The following GRK5 variants were observed in gnomAD, a reference collection of about 807,000 sequenced individuals.
GRK5 encodes the protein g protein-coupled receptor kinase GRK5.
GRK5 carries 40 observed loss-of-function variants against 78.4 expected under a neutral mutation model. The observed-to-expected ratio is 0.51, with a 90% CI of 0.40 to 0.66. The LOEUF (loss-of-function observed/expected upper bound fraction) is 0.66. GRK5 is among the 30% of genes least tolerant of loss of function. The pLI is 0.00. For synonymous variants in GRK5, 289 were observed against 296.8 expected (o/e 0.97, Z 0.27); for missense variants, 598 against 759.9 (o/e 0.79, Z 2.50).
At chr10:119,433,524 T>C (rs1852862656) in intron 8 of GRK5, among the ~76,000 whole-genome samples, 1 of 152,096 alleles carries the variant, frequency 6.6e-6, no homozygotes, top group African/African-American at 2.4e-5. Context: ...TTCTCGGTGA[T>C]CACCTGGGCA....
chr10:119,346,641 C>T (rs1851099978), intron 2 of GRK5, among the ~76,000 whole-genome samples: 1 of 152,164 alleles, frequency 6.6e-6, no homozygotes, highest in Non-Finnish European at 1.5e-5. Flanking sequence ...TGCCTTCTGC[C>T]AGCTGCACGT....
At chr10:119,394,285 G>GGT (rs1430170753) in intron 3 of GRK5, among the ~76,000 whole-genome samples, 3 of 3,768 alleles carry the variant, frequency 8.0e-4, no homozygotes, top group African/African-American at 2.1e-3. Flanking sequence ...CGTGTGTGTG[G>GGT]GTGTGTATCT....
intron 4 of GRK5, among the ~76,000 whole-genome samples, chr10:119,416,446 C>T (rs749231321): frequency 3.1e-4 from 47 of 152,262 alleles, no homozygotes; most frequent in Non-Finnish European, 5.3e-4. Context: ...GTCCCTCTGA[C>T]TCCGAACAGC....
At chr10:119,273,603 C>G (rs148531612) in intron 1 of GRK5, among the ~76,000 whole-genome samples, 238 of 152,288 alleles carry the variant, frequency 1.6e-3, no homozygotes, top group Non-Finnish European at 2.7e-3. Context: ...CGGCTTTGAC[C>G]CACAGGGGAA....
intron 2 of GRK5, among the ~76,000 whole-genome samples, chr10:119,364,635 T>G (rs573576528): frequency 3.9e-5 from 6 of 152,152 alleles, no homozygotes; most frequent in Non-Finnish European, 8.8e-5. Flanking sequence ...AAAATGCAGT[T>G]ACGGTCTGAC....
At chr10:119,209,487 GTTTTTTTTTT>G (rs60169912) in intron 1 of GRK5, among the ~76,000 whole-genome samples, 7 of 98,922 alleles carry the variant, frequency 7.1e-5, no homozygotes, top group African/African-American at 2.2e-4. Context: ...TGTGTGTGTG[GTTTTTTTTTT>G]TTTTTTTTTT....
intron 2 of GRK5, among the ~76,000 whole-genome samples, chr10:119,372,826 T>G (rs1280971643): frequency 6.6e-6 from 1 of 152,206 alleles, no homozygotes; most frequent in Admixed American, 6.5e-5. Context: ...AAGTAAAGAC[T>G]CAGATTGGTA....
intron 2 of GRK5, among the ~76,000 whole-genome samples, chr10:119,359,017 C>G (rs1851313849): frequency 6.6e-6 from 1 of 152,214 alleles, no homozygotes; most frequent in Non-Finnish European, 1.5e-5. Context: ...AAGCCCCACC[C>G]CCAAATATAG....
At chr10:119,323,574 T>C (rs1850623042) in intron 1 of GRK5, among the ~76,000 whole-genome samples, 1 of 152,146 alleles carries the variant, frequency 6.6e-6, no homozygotes, top group Non-Finnish European at 1.5e-5. Context: ...AGGATTGGCT[T>C]GTCTGGAGGC....
intron 2 of GRK5, among the ~76,000 whole-genome samples, chr10:119,340,200 C>G (rs1209026204): frequency 6.6e-6 from 1 of 152,178 alleles, no homozygotes; most frequent in Admixed American, 6.5e-5. Flanking sequence ...CAGTCTCACT[C>G]ACTGCAACCC....
Position 119,288,334 on chromosome 10 carries a change from C to G in GRK5, c.53-38182C>G, listed in dbSNP as rs558950272. Among the ~76,000 whole-genome samples, 117 of 152,244 alleles carry G rather than the reference C, an allele frequency of 7.7e-4. 1 individual carries two copies. Among genetic ancestry groups the G allele is most frequent in the African/African-American group, 2.6e-3 (106 of 41,540 alleles). ...AGAAAGTGGAGGGGCTCCAAGCACC[C>G]GAACATAAGCTCCATGGCAGCCAGG... On this transcript the variant is annotated intron_variant, in intron 1 of 15. Transcript: ENST00000392870.
intron 3 of GRK5, among the ~76,000 whole-genome samples, chr10:119,387,184 A>G (rs1228810957): frequency 6.6e-6 from 1 of 151,986 alleles, no homozygotes; most frequent in Non-Finnish European, 1.5e-5. Context: ...TTGTATTTTT[A>G]ATAGAGATGG....
chr10:119,427,632 C>CCACCA (rs1852722863), intron 6 of GRK5, among the ~76,000 whole-genome samples: 7 of 135,996 alleles, frequency 5.1e-5, no homozygotes, highest in African/African-American at 1.0e-4. Flanking sequence ...ATCAGCATCA[C>CCACCA]TGCTATCATC....
chr10:119,234,644 T>C (rs1170649958), intron 1 of GRK5, among the ~76,000 whole-genome samples: 1 of 151,984 alleles, frequency 6.6e-6, no homozygotes, highest in Non-Finnish European at 1.5e-5. Flanking sequence ...TCTTTTCTAT[T>C]CTTTTCTTTT....
At chr10:119,223,756 AC>A (rs1380599817) in intron 1 of GRK5, among the ~76,000 whole-genome samples, 1 of 150,906 alleles carries the variant, frequency 6.6e-6, no homozygotes, top group African/African-American at 2.4e-5. Flanking sequence ...TTCTTGCCTC[AC>A]CCACTAAATT....
intron 2 of GRK5, chr10:119,333,981 C>T (rs1850829391): frequency 2.5e-6 from 1 of 396,670 alleles, no homozygotes; most frequent in Admixed American, 2.9e-5. Flanking sequence ...TCCCTGAGGG[C>T]CTGGACCACA....
At chr10:119,307,168 T>C (rs1850285457) in intron 1 of GRK5, among the ~76,000 whole-genome samples, 1 of 152,068 alleles carries the variant, frequency 6.6e-6, no homozygotes, top group African/African-American at 2.4e-5. Flanking sequence ...GAGGAGCCAG[T>C]TGAAGCACAG....
At chr10:119,224,902 T>C (rs1053035801) in intron 1 of GRK5, among the ~76,000 whole-genome samples, 11 of 152,234 alleles carry the variant, frequency 7.2e-5, no homozygotes, top group African/African-American at 2.7e-4. Flanking sequence ...TGCATAAATG[T>C]GCAGCTTGGC....
intron 1 of GRK5, among the ~76,000 whole-genome samples, chr10:119,226,547 C>CTTTT (rs869156632): frequency 8.0e-6 from 1 of 125,028 alleles, no homozygotes; most frequent in Non-Finnish European, 1.7e-5. Context: ...GTCTCTGTAT[C>CTTTT]TTTTTTTTTT....
Sources: gnomAD v4.1 joint callset for allele counts (sites outside exome capture counted in the v4.1 genomes callset) on GRCh38, gnomAD v4.1.1 for gene constraint, MANE v1.5 for transcripts, NCBI Gene and HGNC (gene_info 2026-07-23, HGNC 2026-07-21) for gene names.